The following AUTS2 variants were observed in gnomAD, a reference collection of about 807,000 sequenced individuals.
AUTS2 encodes activator of transcription and developmental regulator AUTS2, also known as autism susceptibility gene 2 protein.
Under a neutral mutation model 112.4 loss-of-function variants are expected in AUTS2, and 17 were observed. The ratio of observed to expected loss-of-function variants is 0.15; its 90% confidence interval spans 0.10 to 0.23. The LOEUF (loss-of-function observed/expected upper bound fraction) is 0.23, where lower values mean the gene tolerates loss of function less well. AUTS2 is among the 10% of genes least tolerant of loss of function. AUTS2 has a pLI of 1.00. For missense variants in AUTS2, 1,510 were observed against 1,701.6 expected, an observed-to-expected ratio of 0.89 and a Z score of 1.98; for synonymous variants, 751 against 702.7, an observed-to-expected ratio of 1.07 and a Z score of -1.09.
chr7:70,498,136 G>A (rs1798629423), intron 5 of AUTS2, among the ~76,000 whole-genome samples: 1 of 152,196 alleles, frequency 6.6e-6, no homozygotes, highest in Non-Finnish European at 1.5e-5. Flanking sequence ...AAGGTGCTAA[G>A]GGAGCAAGTT....
chr7:70,386,448 A>G (rs1427191741), intron 4 of AUTS2, among the ~76,000 whole-genome samples: 1 of 152,218 alleles, frequency 6.6e-6, no homozygotes, highest in Non-Finnish European at 1.5e-5. Flanking sequence ...CCATTTAGTA[A>G]ATTGTACAAC....
intron 2 of AUTS2, among the ~76,000 whole-genome samples, chr7:69,977,161 G>A (rs1342895795): frequency 2.6e-5 from 4 of 152,146 alleles, no homozygotes; most frequent in Non-Finnish European, 5.9e-5. Context: ...TTTTGCATGT[G>A]AGCGTCCAGT....
chr7:70,659,670 G>GA (rs1030868912), intron 5 of AUTS2, among the ~76,000 whole-genome samples: 3 of 152,158 alleles, frequency 2.0e-5, no homozygotes, highest in East Asian at 1.9e-4. Context: ...TTATGGCTGG[G>GA]AAAAAAAGAG....
In AUTS2 at chr7:70,309,528, C is replaced by T. The variant is rs376661311; in HGVS notation, c.661-126224C>T. On this transcript the variant is annotated intron_variant, in intron 4 of 18. Transcript: ENST00000342771. ...CTAATATCCTTTCTGTACCAATACACACCACATATCTGATTATTGTTCAAA... is the reference window on the plus strand; with the variant it reads ...CTAATATCCTTTCTGTACCAATACATACCACATATCTGATTATTGTTCAAA... Among the ~76,000 whole-genome samples, 4 of 152,218 alleles carry T rather than the reference C, an allele frequency of 2.6e-5. No homozygotes were observed. In the East Asian group the frequency reaches 7.7e-4, roughly 29 times the overall value.
intron 10 of AUTS2, among the ~76,000 whole-genome samples, chr7:70,769,685 A>G (rs1790211260): frequency 6.6e-6 from 1 of 151,976 alleles, no homozygotes; most frequent in Non-Finnish European, 1.5e-5. Flanking sequence ...ACTCCATTTC[A>G]AAAAATAATA....
intron 17 of AUTS2, among the ~76,000 whole-genome samples, chr7:70,786,687 C>T (rs1423676230): frequency 1.3e-5 from 2 of 152,122 alleles, no homozygotes; most frequent in Non-Finnish European, 2.9e-5. Context: ...AGAGCTAAAA[C>T]GTGTCTCTGA....
At chr7:69,965,482 G>C (rs73432140) in intron 2 of AUTS2, among the ~76,000 whole-genome samples, 1 of 152,114 alleles carries the variant, frequency 6.6e-6, no homozygotes, top group African/African-American at 2.4e-5. Context: ...AACATTGTCC[G>C]ATAAGTGCTA....
intron 1 of AUTS2, among the ~76,000 whole-genome samples, chr7:69,733,424 G>A (rs1478683937): frequency 2.6e-5 from 4 of 152,150 alleles, no homozygotes; most frequent in Admixed American, 6.5e-5. Flanking sequence ...ATGACCAATT[G>A]TCAATATTTT....
intron 1 of AUTS2, among the ~76,000 whole-genome samples, chr7:69,624,284 C>A (rs982425210): frequency 3.3e-5 from 5 of 152,120 alleles, no homozygotes; most frequent in Non-Finnish European, 5.9e-5. Flanking sequence ...ACTTAGGAAA[C>A]CTGTCTCAGT....
chr7:70,104,395 A>C (rs1804662391), intron 2 of AUTS2, among the ~76,000 whole-genome samples: 1 of 152,172 alleles, frequency 6.6e-6, no homozygotes, highest in Non-Finnish European at 1.5e-5. Flanking sequence ...CATTGGCGAA[A>C]TATCCTGCTG....
chr7:70,320,051 A>G (rs1790180922), intron 4 of AUTS2, among the ~76,000 whole-genome samples: 2 of 152,196 alleles, frequency 1.3e-5, no homozygotes, highest in Non-Finnish European at 2.9e-5. Flanking sequence ...TTCAACCTCT[A>G]CATTGCTTTA....
intron 4 of AUTS2, among the ~76,000 whole-genome samples, chr7:70,398,485 AT>A (rs1431331374): frequency 6.6e-6 from 1 of 151,864 alleles, no homozygotes; most frequent in Admixed American, 6.6e-5. Flanking sequence ...AGTTTTTTAT[AT>A]TTTTTGATGT....
chr7:70,031,621 C>T (rs538184084), intron 2 of AUTS2, among the ~76,000 whole-genome samples: 8 of 152,204 alleles, frequency 5.3e-5, no homozygotes, highest in South Asian at 4.1e-4. Context: ...TTGAGGAAGG[C>T]GCTTTGAGGA....
chr7:69,989,790 GAGCAGGAGGTGAGC>G (rs1798667136), intron 2 of AUTS2, among the ~76,000 whole-genome samples: 1 of 152,192 alleles, frequency 6.6e-6, no homozygotes, highest in South Asian at 2.1e-4. Context: ...CTGGGCCACA[GAGCAGGAGGTGAGC>G]AGCAGGCTAA....
At chr7:70,128,245 G>A (rs957134532) in intron 3 of AUTS2, among the ~76,000 whole-genome samples, 2 of 152,156 alleles carry the variant, frequency 1.3e-5, no homozygotes, top group Non-Finnish European at 2.9e-5. Flanking sequence ...GCCAAGAAAT[G>A]TCAATCAAAT....
At chr7:69,868,676 G>A (rs1458914806) in intron 1 of AUTS2, among the ~76,000 whole-genome samples, 1 of 152,148 alleles carries the variant, frequency 6.6e-6, no homozygotes, top group Non-Finnish European at 1.5e-5. Flanking sequence ...TCTCCTGACA[G>A]TCTATGAGAG....
chr7:70,325,077 G>T (rs1476755112), intron 4 of AUTS2, among the ~76,000 whole-genome samples: 1 of 152,142 alleles, frequency 6.6e-6, no homozygotes, highest in African/African-American at 2.4e-5. Flanking sequence ...TTATTCCAGT[G>T]CTAAGGGACT....
At chr7:70,299,272 A>G (rs1789090978) in intron 4 of AUTS2, among the ~76,000 whole-genome samples, 2 of 152,086 alleles carry the variant, frequency 1.3e-5, no homozygotes, top group African/African-American at 4.8e-5. Context: ...AGGTCATCTT[A>G]CCTACAATCT....
In AUTS2 at chr7:70,217,142, A is replaced by G. The variant is rs545224544; in HGVS notation, c.660+82571A>G. Among the ~76,000 whole-genome samples the G allele has an allele frequency of 5.3e-5, 8 of 152,248 alleles. No homozygotes were observed. The South Asian group carries it at 6.2e-4, about 12-fold the overall frequency. ...GCTTTTATTAGCAAGAAAAAATGTT[A>G]TGTCCACAGTTTAGAATAAAATCAC... is the stretch of plus-strand genomic sequence containing the variant. On this transcript the variant is annotated intron_variant, in intron 4 of 18. Transcript: ENST00000342771.
Sources: gnomAD v4.1 joint callset for allele counts (sites outside exome capture counted in the v4.1 genomes callset) on GRCh38, gnomAD v4.1.1 for gene constraint, MANE v1.5 for transcripts, NCBI Gene and HGNC (gene_info 2026-07-23, HGNC 2026-07-21) for gene names.